CADM2: variants seen among roughly 807,000 people sequenced by gnomAD.
The protein encoded by CADM2 is immunoglobulin superfamily member 4D.
CADM2 carries 12 observed loss-of-function variants against 49.8 expected under a neutral mutation model. The observed-to-expected ratio is 0.24, with a 90% CI of 0.15 to 0.39. The LOEUF is 0.39. Ranked by LOEUF, CADM2 falls within the 10% of genes least tolerant of loss-of-function variation. The pLI, the probability that CADM2 is intolerant of heterozygous loss-of-function variation, is 1.00. For synonymous variants in CADM2, 214 were observed against 175.4 expected (o/e 1.22, Z -1.74); for missense variants, 378 against 492.3 (o/e 0.77, Z 2.20).
At chr3:85,716,341 T>C (rs566569369) in intron 1 of CADM2, among the ~76,000 whole-genome samples, 19 of 152,350 alleles carry the variant, frequency 1.2e-4, no homozygotes, top group Non-Finnish European at 2.4e-4. Flanking sequence ...GCCCACTTTT[T>C]GATGGGGTTG....
intron 2 of CADM2, among the ~76,000 whole-genome samples, chr3:85,734,601 A>G (rs1327678933): frequency 2.7e-5 from 4 of 148,886 alleles, no homozygotes; most frequent in Non-Finnish European, 4.5e-5. Flanking sequence ...ATATATATAC[A>G]TACATATATG....
At chr3:86,024,699 T>C (rs1477871042) in intron 8 of CADM2, among the ~76,000 whole-genome samples, 2 of 152,138 alleles carry the variant, frequency 1.3e-5, no homozygotes, top group Non-Finnish European at 2.9e-5. Context: ...CCTTTGGAAA[T>C]ATTTCTGCCA....
intron 1 of CADM2, among the ~76,000 whole-genome samples, chr3:85,308,426 A>G (rs576553483): frequency 6.6e-6 from 1 of 151,966 alleles, no homozygotes; most frequent in East Asian, 1.9e-4. Context: ...GTACTGAACA[A>G]TAGGAATTTA....
chr3:85,866,405 CAA>C (rs900750059), intron 3 of CADM2, among the ~76,000 whole-genome samples: 3 of 152,106 alleles, frequency 2.0e-5, no homozygotes, highest in African/African-American at 7.2e-5. Flanking sequence ...ACTCCATATT[CAA>C]AGTTTCTAGA....
chr3:85,584,693 T>C (rs555523379), intron 1 of CADM2, among the ~76,000 whole-genome samples: 1 of 152,072 alleles, frequency 6.6e-6, no homozygotes, highest in Non-Finnish European at 1.5e-5. Flanking sequence ...ACGTGCATTG[T>C]CTTTGTAAGG....
intron 1 of CADM2, among the ~76,000 whole-genome samples, chr3:85,127,683 TC>T (rs2039081406): frequency 6.6e-6 from 1 of 152,200 alleles, no homozygotes; most frequent in Admixed American, 6.5e-5. Context: ...TTCAAACTGG[TC>T]TTTTATGCTT....
chr3:85,424,355 G>T (rs1439273789), intron 1 of CADM2, among the ~76,000 whole-genome samples: 2 of 151,384 alleles, frequency 1.3e-5, no homozygotes, highest in Admixed American at 6.6e-5. Flanking sequence ...ACATATATAA[G>T]AATATATATT....
At chr3:86,019,787 A>G (rs1475044971) in intron 8 of CADM2, among the ~76,000 whole-genome samples, 2 of 152,078 alleles carry the variant, frequency 1.3e-5, no homozygotes, top group African/African-American at 2.4e-5. Context: ...GGCTGAGACA[A>G]TGGGGTTTTC....
chr3:85,090,040 C>A (rs1324880721), intron 1 of CADM2, among the ~76,000 whole-genome samples: 1 of 151,490 alleles, frequency 6.6e-6, no homozygotes, highest in Non-Finnish European at 1.5e-5. Flanking sequence ...AAATTTTTTT[C>A]CAGACATAAT....
intron 3 of CADM2, among the ~76,000 whole-genome samples, chr3:85,830,705 G>A (rs994503656): frequency 6.6e-6 from 1 of 151,390 alleles, no homozygotes; most frequent in South Asian, 2.1e-4. Context: ...ATGGTATAAG[G>A]GTCCAATTCT....
At chr3:85,667,334 C>T (rs1463703867) in intron 1 of CADM2, among the ~76,000 whole-genome samples, 2 of 151,978 alleles carry the variant, frequency 1.3e-5, no homozygotes, top group Non-Finnish European at 2.9e-5. Flanking sequence ...ATTATTCCAA[C>T]CTGTAATCAA....
intron 1 of CADM2, among the ~76,000 whole-genome samples, chr3:85,367,914 T>A (rs1205363755): frequency 6.6e-6 from 1 of 151,868 alleles, no homozygotes; most frequent in African/African-American, 2.4e-5. Context: ...CAGTTAGAGA[T>A]GACTTGAAAC....
At chr3:85,528,043 T>C (rs1434674363) in intron 1 of CADM2, among the ~76,000 whole-genome samples, 2 of 152,206 alleles carry the variant, frequency 1.3e-5, no homozygotes, top group African/African-American at 4.8e-5. Flanking sequence ...CCATCTGCAC[T>C]TAGGGACAAA....
intron 1 of CADM2, among the ~76,000 whole-genome samples, chr3:85,428,349 T>C (rs2036509139): frequency 6.8e-6 from 1 of 146,286 alleles, no homozygotes; most frequent in Non-Finnish European, 1.5e-5. Context: ...TATTTTCATA[T>C]ATTCATATAT....
intron 8 of CADM2, among the ~76,000 whole-genome samples, chr3:86,034,312 A>G (rs1032846722): frequency 6.6e-6 from 1 of 152,048 alleles, no homozygotes; most frequent in Admixed American, 6.6e-5. Context: ...TGATGGTATT[A>G]GAAGGTGAAG....
intron 1 of CADM2, among the ~76,000 whole-genome samples, chr3:85,220,714 A>G (rs1396602121): frequency 1.3e-5 from 2 of 152,008 alleles, no homozygotes; most frequent in Admixed American, 1.3e-4. Context: ...CCTTGTGACT[A>G]TGGCCAGGAT....
At chr3:85,562,952 C>T (rs1397099142) in intron 1 of CADM2, among the ~76,000 whole-genome samples, 2 of 152,114 alleles carry the variant, frequency 1.3e-5, no homozygotes, top group Admixed American at 6.6e-5. Flanking sequence ...CATGGCCTTA[C>T]ATTTTTAAAT....
chr3:85,326,276 G>A (rs1174885683), intron 1 of CADM2, among the ~76,000 whole-genome samples: 1 of 151,802 alleles, frequency 6.6e-6, no homozygotes, highest in Non-Finnish European at 1.5e-5. Context: ...GAAATATAAT[G>A]ATTTCAGGAA....
At chr3:85,519,813 C>T (rs901382586) in intron 1 of CADM2, among the ~76,000 whole-genome samples, 1 of 151,912 alleles carries the variant, frequency 6.6e-6, no homozygotes, top group Admixed American at 6.6e-5. Context: ...GGCAAAGTTC[C>T]TGGTACTATT....
Sources: gnomAD v4.1 joint callset for allele counts (sites outside exome capture counted in the v4.1 genomes callset) on GRCh38, gnomAD v4.1.1 for gene constraint, MANE v1.5 for transcripts, NCBI Gene and HGNC (gene_info 2026-07-23, HGNC 2026-07-21) for gene names.